Variants in RAP1GAP2 observed in about 807,000 individuals in gnomAD.
RAP1GAP2 encodes rap1 GTPase-activating protein 2.
RAP1GAP2 carries 27 observed loss-of-function variants against 95.0 expected under a neutral mutation model. The ratio of observed to expected loss-of-function variants is 0.28; its 90% CI spans 0.21 to 0.39. RAP1GAP2 has a LOEUF of 0.39. Among genes scored for constraint, RAP1GAP2 ranks in the 10% least tolerant of loss-of-function variants. RAP1GAP2 has a pLI of 1.00. For missense variants in RAP1GAP2, 771 were observed against 970.0 expected, an observed-to-expected ratio of 0.79 and a Z score of 2.72; for synonymous variants, 373 against 380.9, an observed-to-expected ratio of 0.98 and a Z score of 0.24.
Position 2,833,614 on chromosome 17 carries a change from T to C in RAP1GAP2, c.80+33064T>C, listed in dbSNP as rs192959958. Among the ~76,000 whole-genome samples, 416 of 137,074 alleles carry C rather than the reference T, an allele frequency of 3.0e-3. 8 individuals carry two copies. The East Asian group carries it at 0.032, about 10-fold the overall frequency. The allele number at this position is 137,074 out of a possible 152,430, so 89.9% of individuals were successfully genotyped here. A position where few individuals can be genotyped will look rare whatever the true frequency, so the allele number is the denominator to read the frequency against. ...CTGAGGCAGGAGAATGGCATGAACC[T>C]GGGAGGCGGAGCTTGCAGTGAGCCG... On this transcript the variant is annotated intron_variant, in intron 2 of 24. Coordinates refer to ENST00000254695, the MANE Select transcript of RAP1GAP2 (RefSeq NM_015085.5).
chr17:3,001,519 C>T (rs1195765693), intron 14 of RAP1GAP2, among the ~76,000 whole-genome samples: 5 of 90,714 alleles, frequency 5.5e-5, no homozygotes, highest in Admixed American at 2.0e-4. Flanking sequence ...TTCCTGATGC[C>T]GGAGAAGGGA....
intron 20 of RAP1GAP2, 70 bp from the exon 21 acceptor site, chr17:3,026,280 C>T (rs773298196): frequency 5.3e-5 from 74 of 1,406,446 alleles, no homozygotes; most frequent in Middle Eastern, 1.9e-4. Flanking sequence ...CCAGAGGTCC[C>T]GGGGAGGACC....
intron 2 of RAP1GAP2, among the ~76,000 whole-genome samples, chr17:2,877,196 A>T (rs115740622): frequency 0.012 from 1,889 of 151,872 alleles, 44 homozygotes; most frequent in African/African-American, 0.042. Flanking sequence ...GCCTTGGTTT[A>T]TGTTCTTATT....
At chr17:2,872,775 C>A (rs2072901712) in intron 2 of RAP1GAP2, among the ~76,000 whole-genome samples, 1 of 151,894 alleles carries the variant, frequency 6.6e-6, no homozygotes, top group Non-Finnish European at 1.5e-5. Context: ...CTTTGACCTC[C>A]TGGGCTCAAG....
intron 2 of RAP1GAP2, among the ~76,000 whole-genome samples, chr17:2,838,862 T>C (rs955497131): frequency 8.5e-5 from 13 of 152,198 alleles, no homozygotes; most frequent in Non-Finnish European, 1.5e-4. Flanking sequence ...CTTTCTAACA[T>C]TTGCTAACCT....
chr17:2,992,738 C>T (rs1229777855), intron 12 of RAP1GAP2, among the ~76,000 whole-genome samples: 2 of 152,210 alleles, frequency 1.3e-5, no homozygotes, highest in Non-Finnish European at 2.9e-5. Flanking sequence ...CTGCTTCCTT[C>T]TCTGTCCTTC....
intron 2 of RAP1GAP2, 31 bp from the exon 3 acceptor site, chr17:2,905,253 T>C: frequency 1.2e-6 from 2 of 1,603,842 alleles, no homozygotes; most frequent in East Asian, 4.5e-5. Flanking sequence ...CGCAGGCAGG[T>C]CCTCACTCAC....
At chr17:3,013,829 T>C (rs1363926219) in intron 17 of RAP1GAP2, among the ~76,000 whole-genome samples, 1 of 152,028 alleles carries the variant, frequency 6.6e-6, no homozygotes, top group East Asian at 1.9e-4. Flanking sequence ...TGGGCAATAA[T>C]TTACCCTTCA....
rs539197283 is a variant in RAP1GAP2 at position 2,965,656 on chromosome 17, C to T, written c.596+13C>T. 2.8e-5 allele frequency: 44 copies of T among 1,571,692 alleles called. No homozygotes were observed. The highest frequency in any genetic ancestry group is 9.4e-5 in the African/African-American group (7 of 74,172). On this transcript the variant is annotated intron_variant, in intron 8 of 24. Coordinates refer to ENST00000254695, the MANE Select transcript of RAP1GAP2 (RefSeq NM_015085.5). This position sits in a 1 kb window ranked among gnomAD's most constrained non-coding sequence, Gnocchi z 4.7. Reference sequence around the variant, plus strand: ...GGGTCATCCTTAGGTAGGGCTGTTGCGCTGCTTGAGGCCACTTCTCTTCCA... The same window carrying T: ...GGGTCATCCTTAGGTAGGGCTGTTGTGCTGCTTGAGGCCACTTCTCTTCCA...
chr17:2,868,491 T>C (rs562318623), intron 2 of RAP1GAP2, among the ~76,000 whole-genome samples: 1 of 151,834 alleles, frequency 6.6e-6, no homozygotes, highest in South Asian at 2.1e-4. Context: ...AAAAATCTTA[T>C]TTAGCAATTC....
chr17:2,975,077 A>C (rs926901931), intron 8 of RAP1GAP2, among the ~76,000 whole-genome samples: 1 of 152,128 alleles, frequency 6.6e-6, no homozygotes, highest in Non-Finnish European at 1.5e-5. Context: ...AAAAATACAA[A>C]AAATTAGCTG....
rs111496924 is a variant in RAP1GAP2 at position 2,829,727 on chromosome 17, G to A, written c.80+29177G>A. ...GCCTGGTGGTGGCCTCCTGGCTGTC[G>A]GATGTCAGAGTTAGGGCTGCAGGTT... On this transcript the variant is annotated intron_variant, in intron 2 of 24. Coordinates refer to ENST00000254695, the MANE Select transcript of RAP1GAP2 (RefSeq NM_015085.5). 4.2e-4 allele frequency among the ~76,000 whole-genome samples: 64 copies of A among 152,234 alleles called. 1 individual carries two copies. The highest frequency in any genetic ancestry group is 1.4e-3 in the African/African-American group (59 of 41,542).
At chr17:2,873,102 G>T (rs918110928) in intron 2 of RAP1GAP2, among the ~76,000 whole-genome samples, 1 of 127,226 alleles carries the variant, frequency 7.9e-6, no homozygotes, top group Non-Finnish European at 1.7e-5. Flanking sequence ...GACTTTGTCT[G>T]AAAAAAAAAA....
chr17:3,025,439 G>GTTT, intron 19 of RAP1GAP2, among the ~76,000 whole-genome samples: 1 of 152,326 alleles, frequency 6.6e-6, no homozygotes, highest in Non-Finnish European at 1.5e-5. Context: ...GAGCACTGTG[G>GTTT]GCACTGTCCA....
chr17:2,796,092 A>G (rs2151471631), upstream of RAP1GAP2, among the ~76,000 whole-genome samples: 1 of 152,184 alleles, frequency 6.6e-6, no homozygotes, highest in African/African-American at 2.4e-5. The surrounding 1 kb of genome is among the most constrained non-coding windows in gnomAD (Gnocchi z 4.7). Context: ...GTGGGTGTGA[A>G]GGTCCCCAGT....
At chr17:2,910,259 G>A (rs1253441672) in intron 3 of RAP1GAP2, among the ~76,000 whole-genome samples, 2 of 152,142 alleles carry the variant, frequency 1.3e-5, no homozygotes, top group African/African-American at 2.4e-5. Flanking sequence ...GGGACATCTC[G>A]GTCAGAGGAG....
rs1234602616 is a variant in RAP1GAP2 at position 2,903,856 on chromosome 17, G to A, written c.81-1428G>A. ...TGGTCCTGCTCCGTGGGCTCAGGGA[G>A]CCAGGCAGGATGGGGTCTGGGCCTG... is the stretch of plus-strand genomic sequence containing the variant. On this transcript the variant is annotated intron_variant, in intron 2 of 24. Coordinates refer to ENST00000254695, the MANE Select transcript of RAP1GAP2 (RefSeq NM_015085.5). This position sits in a 1 kb window ranked among gnomAD's most constrained non-coding sequence, Gnocchi z 4.1. Among the ~76,000 whole-genome samples, 1 of 152,166 alleles carries A rather than the reference G, an allele frequency of 6.6e-6. No individual in the cohort carries two copies. Among genetic ancestry groups the A allele is most frequent in the East Asian group, 1.9e-4 (1 of 5,170 alleles).
chr17:2,800,802 AT>A (rs1160277884), intron 2 of RAP1GAP2, among the ~76,000 whole-genome samples: 1 of 151,080 alleles, frequency 6.6e-6, no homozygotes, highest in Non-Finnish European at 1.5e-5. Flanking sequence ...CAGGTGTAAC[AT>A]TCAGTCCCAT....
Position 2,903,112 on chromosome 17 carries a change from G to C in RAP1GAP2, c.81-2172G>C, listed in dbSNP as rs926766652. On this transcript the variant is annotated intron_variant, in intron 2 of 24. Coordinates refer to ENST00000254695, the MANE Select transcript of RAP1GAP2 (RefSeq NM_015085.5). The surrounding 1 kb of genome is among the most constrained non-coding windows in gnomAD (Gnocchi z 4.1). ...GCCCAGAGTCGCCCTATAGCATCTG[G>C]TGGGGGCTTGTTTTACTTCCCCTCC... is the stretch of plus-strand genomic sequence containing the variant. Among the ~76,000 whole-genome samples the C allele has an allele frequency of 6.6e-6, 1 of 152,194 alleles. No homozygotes were observed.
Sources: allele counts gnomAD v4.1 joint callset (sites outside exome capture counted in the v4.1 genomes callset), GRCh38; gene constraint gnomAD v4.1.1; non-coding constraint Gnocchi (gnomAD v3.1); transcripts MANE v1.5; gene names NCBI Gene and HGNC (gene_info 2026-07-23, HGNC 2026-07-21).